The following SNRNP40 variants were observed in gnomAD, a reference collection of about 807,000 sequenced individuals.
SNRNP40 encodes the protein U5 small nuclear ribonucleoprotein 40 kDa protein.
In SNRNP40, 21 loss-of-function variants were observed where a neutral mutation model predicts 45.8. The observed-to-expected ratio is 0.46, with a 90% CI of 0.32 to 0.66. SNRNP40 has a LOEUF of 0.66. Ranked by LOEUF, SNRNP40 falls within the 30% of genes least tolerant of loss-of-function variation. SNRNP40 has a pLI of 0.03. For synonymous variants in SNRNP40, 142 were observed against 163.8 expected, an observed-to-expected ratio of 0.87 and a Z score of 1.01; for missense variants, 344 against 439.1, an observed-to-expected ratio of 0.78 and a Z score of 1.94.
chr1:31,295,782 G>A (rs985562521), intron 1 of SNRNP40, among the ~76,000 whole-genome samples: 2 of 152,216 alleles, frequency 1.3e-5, no homozygotes, highest in African/African-American at 4.8e-5. Context: ...ACCAGTTAGG[G>A]TCCCACTACA....
chr1:31,286,772 A>G (rs1398234651), intron 4 of SNRNP40, among the ~76,000 whole-genome samples: 1 of 152,092 alleles, frequency 6.6e-6, no homozygotes, highest in Non-Finnish European at 1.5e-5. Flanking sequence ...TACTCCCTAC[A>G]ATGTACTGCC....
At chr1:31,275,048 C>T (rs114936984) in intron 5 of SNRNP40, among the ~76,000 whole-genome samples, 1,982 of 151,984 alleles carry the variant, frequency 0.013, 24 homozygotes, top group Non-Finnish European at 0.019. Context: ...CCTCTAGGTG[C>T]TTAAAAGGTG....
intron 4 of SNRNP40, among the ~76,000 whole-genome samples, chr1:31,284,407 C>T (rs1646041435): frequency 6.6e-6 from 1 of 152,326 alleles, no homozygotes; most frequent in South Asian, 2.1e-4. Flanking sequence ...ACCTTGGCCT[C>T]CCAAAGTGGT....
At chr1:31,286,245 T>C (rs935091779) in intron 4 of SNRNP40, among the ~76,000 whole-genome samples, 20 of 152,208 alleles carry the variant, frequency 1.3e-4, no homozygotes, top group Admixed American at 1.1e-3. Flanking sequence ...TTCACACTTA[T>C]ACCTCACACA....
intron 2 of SNRNP40, 139 bp from the exon 3 acceptor site, chr1:31,292,145 T>C: frequency 4.0e-6 from 2 of 499,644 alleles, no homozygotes; most frequent in South Asian, 4.6e-5. Flanking sequence ...GGTGGATCAC[T>C]TGAGGTCAGG....
chr1:31,266,631 C>T (rs138160688), intron 8 of SNRNP40, among the ~76,000 whole-genome samples: 19 of 152,240 alleles, frequency 1.2e-4, no homozygotes, highest in East Asian at 5.8e-4. Context: ...AAGCCTTAGC[C>T]GATTAATTCA....
chr1:31,262,349 G>A (rs1645864329), intron 8 of SNRNP40, among the ~76,000 whole-genome samples: 1 of 151,560 alleles, frequency 6.6e-6, no homozygotes, highest in Non-Finnish European at 1.5e-5. Flanking sequence ...GTGAAACCCA[G>A]TCTCTACTAA....
chr1:31,289,114 G>A (rs1408940889), intron 4 of SNRNP40, 140 bp downstream of exon 4: 1 of 643,412 alleles, frequency 1.6e-6, no homozygotes, highest in Non-Finnish European at 2.7e-6. Context: ...TATTTTAAAT[G>A]GGGAAAAATT....
intron 8 of SNRNP40, among the ~76,000 whole-genome samples, chr1:31,263,952 AT>A (rs1645878722): frequency 6.6e-6 from 1 of 151,594 alleles, no homozygotes; most frequent in African/African-American, 2.4e-5. Context: ...TTGACCCTCA[AT>A]CTTGCTTAAG....
intron 7 of SNRNP40, 68 bp from the exon 8 acceptor site, chr1:31,268,000 T>C: frequency 9.5e-7 from 1 of 1,057,376 alleles, no homozygotes; most frequent in Non-Finnish European, 1.4e-6. Flanking sequence ...ACCGAATCAC[T>C]AAGAGGCTTT....
At chr1:31,262,521 CAA>C (rs57503418) in intron 8 of SNRNP40, among the ~76,000 whole-genome samples, 3,512 of 40,228 alleles carry the variant, frequency 0.087, 68 homozygotes, top group East Asian at 0.26. Context: ...ACTCCATCTC[CAA>C]AAAAAAAAAA....
chr1:31,291,841 G>T, intron 3 of SNRNP40, 72 bp downstream of exon 3: 1 of 1,079,790 alleles, frequency 9.3e-7, no homozygotes, highest in Non-Finnish European at 1.4e-6. Context: ...GGTCTCCTGA[G>T]AAAGGATGAA....
intron 3 of SNRNP40, 83 bp from the exon 4 acceptor site, chr1:31,289,502 C>G (rs1403981695): frequency 7.8e-7 from 1 of 1,275,626 alleles, no homozygotes; most frequent in African/African-American, 1.5e-5. Flanking sequence ...CAAAAGGTGC[C>G]AAATTTTTCA....
At chr1:31,280,173 T>G (rs544480649) in intron 5 of SNRNP40, among the ~76,000 whole-genome samples, 30 of 150,734 alleles carry the variant, frequency 2.0e-4, no homozygotes, top group Admixed American at 1.3e-3. Context: ...TTCCTTTCTT[T>G]TTTTTTTTGG....
At chr1:31,284,077 G>C (rs994284047) in intron 4 of SNRNP40, among the ~76,000 whole-genome samples, 2 of 152,260 alleles carry the variant, frequency 1.3e-5, no homozygotes, top group South Asian at 2.1e-4. Context: ...AAAACAAAAA[G>C]TTGGGTGTGG....
chr1:31,263,722 G>T, intron 8 of SNRNP40: 1 of 383,196 alleles, frequency 2.6e-6, no homozygotes, highest in South Asian at 2.1e-5. Flanking sequence ...ATTCAAGCTT[G>T]CCTTGATGTC....
intron 8 of SNRNP40, chr1:31,263,590 C>A: frequency 2.2e-6 from 1 of 460,172 alleles, no homozygotes; most frequent in Non-Finnish European, 4.3e-6. Flanking sequence ...ACTTGAAGGG[C>A]AAGTTGAGTG....
intron 4 of SNRNP40, among the ~76,000 whole-genome samples, chr1:31,283,934 T>G (rs528325390): frequency 2.3e-4 from 35 of 151,966 alleles, no homozygotes; most frequent in Admixed American, 2.2e-3. Flanking sequence ...ACTATAAAAT[T>G]CTTAGAGGGC....
At chr1:31,281,240 A>C in intron 5 of SNRNP40, 134 bp downstream of exon 5, 1 of 664,210 alleles carries the variant, frequency 1.5e-6, no homozygotes, top group Non-Finnish European at 2.4e-6. Context: ...GAGAAAAAGA[A>C]AATAAGTTCC....
Sources: allele counts gnomAD v4.1 joint callset (sites outside exome capture counted in the v4.1 genomes callset), GRCh38; gene constraint gnomAD v4.1.1; transcripts MANE v1.5; gene names NCBI Gene and HGNC (gene_info 2026-07-23, HGNC 2026-07-21).